Variants in LATS1 observed in about 807,000 individuals in gnomAD.
LATS1 encodes serine/threonine-protein kinase LATS1.
In LATS1, 25 loss-of-function variants were observed where a neutral mutation model predicts 106.6. The observed-to-expected ratio is 0.23, with a 90% CI of 0.17 to 0.33. The LOEUF is 0.33. Ranked by LOEUF, LATS1 falls within the 10% of genes least tolerant of loss-of-function variation. The pLI is 1.00. For missense variants in LATS1, 1,040 were observed against 1,382.6 expected (o/e 0.75, Z 3.93); for synonymous variants, 465 against 455.6 (o/e 1.02, Z -0.26).
In LATS1 at chr6:149,660,414, A is replaced by G. The variant is rs1052480358; in HGVS notation, c.*1315T>C. ...TTATGCGAAGAAAGCTAAAAGTATG[A>G]AAATCACTAAAATTATGCCTCCAAT... On this transcript the variant is annotated 3_prime_UTR_variant, in exon 8 of 8. Coordinates refer to ENST00000543571, the MANE Select transcript of LATS1 (RefSeq NM_004690.4). 7.3e-5 allele frequency: 17 copies of G among 233,046 alleles called. No homozygotes were observed. The highest frequency in any genetic ancestry group is 3.7e-4 in the African/African-American group (17 of 45,356). 14.4% of individuals were successfully genotyped at this position (233,046 alleles called of 1,614,324 possible).
rs200178297 is a variant in LATS1, at chr6:149,680,465, A to G, written c.2011-8T>C. On this transcript the variant is annotated splice_polypyrimidine_tract_variant and splice_region_variant and intron_variant, in intron 4 of 7. Coordinates refer to ENST00000543571, the MANE Select transcript of LATS1 (RefSeq NM_004690.4). ...ATCTTGAGATAATCCAACCTAGGCAAATAAACTAGATGTTAAATAAGAATT... is the reference window on the plus strand; with the variant it reads ...ATCTTGAGATAATCCAACCTAGGCAGATAAACTAGATGTTAAATAAGAATT... The G allele has an allele frequency of 1.2e-5, 18 of 1,546,012 alleles. No homozygotes were observed. The highest frequency in any genetic ancestry group is 1.6e-5 in the Non-Finnish European group (18 of 1,137,540).
At chr6:149,663,730 G>A (rs1780997627) in intron 7 of LATS1, among the ~76,000 whole-genome samples, 1 of 151,388 alleles carries the variant, frequency 6.6e-6, no homozygotes, top group Admixed American at 6.6e-5. Context: ...AAATGATACA[G>A]TTAATAATAG....
intron 1 of LATS1, among the ~76,000 whole-genome samples, chr6:149,707,011 CTTTTTTTTTT>C (rs745424840): frequency 3.6e-5 from 4 of 110,444 alleles, no homozygotes; most frequent in South Asian, 3.0e-4. Context: ...CTGGACATCT[CTTTTTTTTTT>C]TTTTTTTTTT....
At chr6:149,716,962 C>G (rs1274925495) in intron 1 of LATS1, among the ~76,000 whole-genome samples, 1 of 152,078 alleles carries the variant, frequency 6.6e-6, no homozygotes, top group African/African-American at 2.4e-5. Context: ...AACTGATAAA[C>G]TGATAAATTT....
At chr6:149,684,881 G>GA (rs1245533932) in intron 3 of LATS1, among the ~76,000 whole-genome samples, 8 of 151,424 alleles carry the variant, frequency 5.3e-5, no homozygotes, top group Non-Finnish European at 8.9e-5. Context: ...AGCAAAAAAA[G>GA]AAAAAAAAGA....
chr6:149,695,007 A>C (rs1445756094), intron 3 of LATS1, 67 bp downstream of exon 3: 6 of 1,271,716 alleles, frequency 4.7e-6, no homozygotes, highest in African/African-American at 1.5e-5. Flanking sequence ...AAGATTTGAT[A>C]GACTTCAGTA....
chr6:149,663,461 C>T (rs1780983288), intron 7 of LATS1, among the ~76,000 whole-genome samples: 1 of 152,094 alleles, frequency 6.6e-6, no homozygotes, highest in Non-Finnish European at 1.5e-5. Context: ...GGCGACAGAG[C>T]AAGACCCTGT....
intron 7 of LATS1, 22 bp downstream of exon 7, chr6:149,676,238 T>G: frequency 1.6e-5 from 24 of 1,457,414 alleles, no homozygotes; most frequent in Non-Finnish European, 2.2e-5. Context: ...AGAATTCTTT[T>G]GATATAGATG....
chr6:149,702,482 T>TA, intron 1 of LATS1: 1 of 178,450 alleles, frequency 5.6e-6, no homozygotes, highest in Non-Finnish European at 1.2e-5. Context: ...CTATGATGAT[T>TA]TAAAAAAAAA....
intron 2 of LATS1, among the ~76,000 whole-genome samples, chr6:149,700,567 T>C (rs1783393309): frequency 6.6e-6 from 1 of 152,134 alleles, no homozygotes; most frequent in Non-Finnish European, 1.5e-5. Flanking sequence ...TAGGTTCTCA[T>C]TTTTTAAATT....
In LATS1 at chr6:149,706,048, T is replaced by C. The variant is rs1469140168; in HGVS notation, c.-140-3782A>G. The stretch of plus-strand genomic sequence containing the variant: ...AAAATACAAAATTAGCTGGGTGTGG[T>C]GGCACATGCCTGTAATCTCAGCTAC... On this transcript the variant is annotated intron_variant, in intron 1 of 7. Coordinates refer to ENST00000543571, the MANE Select transcript of LATS1 (RefSeq NM_004690.4). 2.6e-5 allele frequency among the ~76,000 whole-genome samples: 4 copies of C among 151,216 alleles called. No homozygotes were observed. In the East Asian group the frequency reaches 7.7e-4, roughly 29 times the overall value.
At chr6:149,665,910 G>A (rs1007078077) in intron 7 of LATS1, among the ~76,000 whole-genome samples, 6 of 152,066 alleles carry the variant, frequency 3.9e-5, no homozygotes, top group African/African-American at 7.2e-5. Flanking sequence ...GGGAGGCCAA[G>A]GTAGGCAGAT....
intron 7 of LATS1, among the ~76,000 whole-genome samples, chr6:149,666,171 TCATAA>T (rs535499841): frequency 4.5e-4 from 65 of 144,758 alleles, no homozygotes; most frequent in African/African-American, 1.7e-3. Context: ...ATCCAGAGTC[TCATAA>T]CATATTATTC....
chr6:149,692,191 T>C (rs1446349445), intron 3 of LATS1, among the ~76,000 whole-genome samples: 3 of 152,208 alleles, frequency 2.0e-5, no homozygotes, highest in South Asian at 2.1e-4. Context: ...AGCATAAAAT[T>C]AATAAACAGT....
intron 2 of LATS1, 142 bp downstream of exon 2, chr6:149,701,637 A>T: frequency 1.8e-6 from 1 of 550,174 alleles, no homozygotes; most frequent in South Asian, 3.0e-5. Flanking sequence ...TATAAACGTA[A>T]CATTCTTTGC....
rs201743580 is a variant in LATS1 at position 149,690,213 on chromosome 6, C to CT, written c.496+4860dup. On this transcript the variant is annotated intron_variant, in intron 3 of 7. Coordinates refer to ENST00000543571, the MANE Select transcript of LATS1 (RefSeq NM_004690.4). Reference sequence around the variant, plus strand: ...CATATATGTATTCTTTTCTTTTTTTCTTTTTTTTTTTTTTTTTGAGACGGA... The same window carrying CT: ...CATATATGTATTCTTTTCTTTTTTTCTTTTTTTTTTTTTTTTTTGAGACGGA... Among the ~76,000 whole-genome samples the CT allele has an allele frequency of 3.5e-3, 440 of 125,454 alleles. 2 individuals are homozygous for CT. Among genetic ancestry groups the CT allele is most frequent in the South Asian group, 5.8e-3 (23 of 3,952 alleles). The allele number at this position is 125,454 out of a possible 152,430, so 82.3% of individuals were successfully genotyped here. A position where few individuals can be genotyped will look rare whatever the true frequency, so the allele number is the denominator to read the frequency against.
Position 149,707,009 on chromosome 6 carries a change from CTCTT to C in LATS1, c.-140-4747_-140-4744del, listed in dbSNP as rs1244009839. 1.3e-4 allele frequency among the ~76,000 whole-genome samples: 17 copies of C among 126,538 alleles called. No homozygotes were observed. The South Asian group carries it at 3.6e-3, about 27-fold the overall frequency. The allele number at this position is 126,538 out of a possible 152,430, so 83.0% of individuals were successfully genotyped here. A position where few individuals can be genotyped will look rare whatever the true frequency, so the allele number is the denominator to read the frequency against. On this transcript the variant is annotated intron_variant, in intron 1 of 7. Transcript: ENST00000543571. ...GATCATAATACACAAAACTGGACAT[CTCTT>C]TTTTTTTTTTTTTTTTTTTGAAGAT...
Position 149,683,995 on chromosome 6 carries a change from G to A in LATS1, c.1094C>T (p.Ala365Val). 1 of 1,614,088 alleles carries A rather than the reference G, an allele frequency of 6.2e-7. No individual in the cohort carries two copies. The highest frequency in any genetic ancestry group is 8.5e-7 in the Non-Finnish European group (1 of 1,179,980). ...DFMIHQNVVP[A>V]GTVNRQPPPP... The stretch of plus-strand genomic sequence containing the variant: ...TGGTGGCTGCCGATTCACAGTGCCA[G>A]CAGGGACAACATTTTGGTGTATCAT... The change falls in exon 4 of 8, where the codon GCT becomes GTT. Residue 365 changes from alanine (A) to valine (V), a missense_variant. Physicochemically the swap from Ala to Val is moderately conservative, Grantham distance 64. Coordinates refer to ENST00000543571, the MANE Select transcript of LATS1 (RefSeq NM_004690.4).
chr6:149,683,376 A>G lies in LATS1; in HGVS notation c.1713T>C (p.Pro571=), dbSNP rs145975309. The G allele has an allele frequency of 6.2e-7, 1 of 1,613,934 alleles. No homozygotes were observed. The highest frequency in any genetic ancestry group is 1.3e-5 in the African/African-American group (1 of 74,858). The change falls in exon 4 of 8, where the codon CCT becomes CCC. Residue 571 remains proline (P), a synonymous_variant. Transcript: ENST00000543571. The part of the protein sequence containing the change: ...KHLLHQNPSV[P]PYESISKPSK... ...TAGGCTTACTGATTGACTCGTATGG[A>G]GGAACAGATGGGTTTTGGTGCAGCA...
Sources: allele counts gnomAD v4.1 joint callset (sites outside exome capture counted in the v4.1 genomes callset), GRCh38; gene constraint gnomAD v4.1.1; transcripts MANE v1.5; gene names NCBI Gene and HGNC (gene_info 2026-07-23, HGNC 2026-07-21).